The following TOMM20L variants were observed in gnomAD, a reference collection of about 807,000 sequenced individuals.
TOMM20L encodes the protein translocase of outer mitochondrial membrane 20 like.
A neutral mutation model predicts 20.4 loss-of-function variants in TOMM20L; 19 were observed. The observed-to-expected ratio is 0.93, with a 90% CI of 0.65 to 1.36. The LOEUF is 1.36. Ranked by LOEUF, TOMM20L falls within the 40% of genes most tolerant of loss-of-function variation. The pLI is 0.00. For synonymous variants in TOMM20L, 75 were observed against 79.6 expected (o/e 0.94, Z 0.30); for missense variants, 218 against 203.7 (o/e 1.07, Z -0.43).
downstream of TOMM20L, chr14:58,410,812 G>A: frequency 6.7e-7 from 1 of 1,496,698 alleles, no homozygotes; most frequent in East Asian, 2.3e-5. Context: ...ATGAAGGCTT[G>A]TAGAATTTTA....
At chr14:58,400,267 T>TGGTG (rs1486288244) in intron 2 of TOMM20L, among the ~76,000 whole-genome samples, 2 of 151,420 alleles carry the variant, frequency 1.3e-5, no homozygotes, top group Admixed American at 6.6e-5. Context: ...TAGCCAGGCA[T>TGGTG]GGTGGCGCAC....
intron 2 of TOMM20L, among the ~76,000 whole-genome samples, chr14:58,401,087 C>G (rs775338830): frequency 1.3e-5 from 2 of 152,146 alleles, no homozygotes; most frequent in Non-Finnish European, 2.9e-5. Context: ...CATTGGACTT[C>G]GTCTTGTACC....
At chr14:58,411,873 G>T, downstream of TOMM20L, 1 of 1,603,718 alleles carries the variant, frequency 6.2e-7, no homozygotes, top group Non-Finnish European at 8.5e-7. Context: ...ACATTTTTTT[G>T]CAAAATCTTT....
the TOMM20L span, among the ~76,000 whole-genome samples, chr14:58,415,607 G>T: frequency 1.3e-4 from 20 of 152,270 alleles, no homozygotes; most frequent in Admixed American, 1.2e-3. Flanking sequence ...GAATGGAGGG[G>T]ACAGAGGAAT....
At chr14:58,399,885 CATATAT>C (rs869260438) in intron 2 of TOMM20L, among the ~76,000 whole-genome samples, 950 of 37,292 alleles carry the variant, frequency 0.025, 10 homozygotes, top group East Asian at 0.083. Context: ...TGCTCTATTG[CATATAT>C]ATATATATAT....
intron 4 of TOMM20L, 34 bp from the exon 5 acceptor site, chr14:58,408,494 AT>A: frequency 6.2e-7 from 1 of 1,601,384 alleles, no homozygotes; most frequent in South Asian, 1.1e-5. Flanking sequence ...ATGCATTGAA[AT>A]GATTAGCAAG....
At chr14:58,407,298 T>G (rs1302475061) in intron 3 of TOMM20L, 28 bp from the exon 4 acceptor site, 1 of 1,562,676 alleles carries the variant, frequency 6.4e-7, no homozygotes, top group African/African-American at 1.4e-5. Flanking sequence ...CTTCAAAATT[T>G]TGCTCAAAAC....
Position 58,407,331 on chromosome 14 carries a change from C to A in TOMM20L, c.268C>A (p.His90Asn). The A allele has an allele frequency of 1.9e-6, 3 of 1,602,726 alleles. No individual in the cohort carries two copies. Among genetic ancestry groups the A allele is most frequent in the Non-Finnish European group, 2.5e-6 (3 of 1,176,568 alleles). The change falls in exon 4 of 5, where the codon CAC becomes AAC. Residue 90 changes from histidine (H) to asparagine (N), a missense_variant. Transcript: ENST00000360945. ...MGELWLSRGE[H>N]RMGIQHLGNA... ...AACTTGTCATTCTGTTTCAGGAGAGCACAGAATGGGGATTCAACACCTCGG... is the reference window on the plus strand; with the variant it reads ...AACTTGTCATTCTGTTTCAGGAGAGAACAGAATGGGGATTCAACACCTCGG...
At chr14:58,404,146 TG>T (rs1438065549) in intron 3 of TOMM20L, among the ~76,000 whole-genome samples, 571 of 48,218 alleles carry the variant, frequency 0.012, 269 homozygotes, top group Non-Finnish European at 0.017. Flanking sequence ...TTTTTTTTTT[TG>T]GAGACGGAGT....
At chr14:58,401,879 T>C (rs749464685) in intron 2 of TOMM20L, among the ~76,000 whole-genome samples, 65 of 152,108 alleles carry the variant, frequency 4.3e-4, no homozygotes, top group Non-Finnish European at 5.9e-5. Flanking sequence ...CCTTTCCTTT[T>C]GAGGGTGTGA....
intron 2 of TOMM20L, among the ~76,000 whole-genome samples, chr14:58,397,892 AG>A (rs1380596586): frequency 6.6e-6 from 1 of 152,220 alleles, no homozygotes; most frequent in Non-Finnish European, 1.5e-5. Flanking sequence ...AAAGAAAACA[AG>A]CTATTGCAGC....
chr14:58,405,090 T>TC (rs2036041466), intron 3 of TOMM20L, among the ~76,000 whole-genome samples: 1 of 151,928 alleles, frequency 6.6e-6, no homozygotes, highest in South Asian at 2.1e-4. Context: ...GGCCTCAGCC[T>TC]CCTAAGTAGC....
At chr14:58,410,637 A>G (rs1370101167), downstream of TOMM20L, among the ~76,000 whole-genome samples, 1 of 152,214 alleles carries the variant, frequency 6.6e-6, no homozygotes, top group South Asian at 2.1e-4. Context: ...AAATGGTCTG[A>G]CTTGGTACAA....
the TOMM20L span, among the ~76,000 whole-genome samples, chr14:58,415,863 C>A: frequency 6.6e-6 from 1 of 152,030 alleles, no homozygotes; most frequent in Non-Finnish European, 1.5e-5. Context: ...GCTGAACAAA[C>A]CCCAAACAGC....
the TOMM20L span, among the ~76,000 whole-genome samples, chr14:58,414,950 C>T: frequency 3.1e-4 from 47 of 152,204 alleles, no homozygotes; most frequent in African/African-American, 1.1e-3. Context: ...AGGAGGCCTA[C>T]TTGACATTCA....
chr14:58,410,186 C>T (rs1274992042), downstream of TOMM20L, among the ~76,000 whole-genome samples: 1 of 151,924 alleles, frequency 6.6e-6, no homozygotes. Context: ...ACCCTCTCAC[C>T]TCAGCTCCCG....
chr14:58,409,203 C>A, downstream of TOMM20L: 2 of 1,594,740 alleles, frequency 1.3e-6, no homozygotes, highest in Non-Finnish European at 1.7e-6. Flanking sequence ...AGAGGCAACA[C>A]AAAAATATGA....
At chr14:58,413,960 T>C in the TOMM20L span, among the ~76,000 whole-genome samples, 1 of 115,878 alleles carries the variant, frequency 8.6e-6, no homozygotes, top group South Asian at 3.0e-4. Context: ...TGAGCCGAGA[T>C]TGCACCACTG....
downstream of TOMM20L, among the ~76,000 whole-genome samples, chr14:58,411,170 G>A (rs536814062): frequency 6.5e-4 from 99 of 152,172 alleles, no homozygotes; most frequent in African/African-American, 2.1e-3. Context: ...ATGCTTGGCC[G>A]GGTGCGGTAG....
Sources: allele counts gnomAD v4.1 joint callset (sites outside exome capture counted in the v4.1 genomes callset), GRCh38; gene constraint gnomAD v4.1.1; transcripts MANE v1.5; gene names NCBI Gene and HGNC (gene_info 2026-07-23, HGNC 2026-07-21).